The following THAP9 variants were observed in gnomAD, a reference collection of about 807,000 sequenced individuals.
THAP9 encodes THAP domain containing 9.
A neutral mutation model predicts 35.7 loss-of-function variants in THAP9; 20 were observed. The observed-to-expected ratio is 0.56, with a 90% CI of 0.39 to 0.81. THAP9 has a LOEUF of 0.81. Among genes scored for constraint, THAP9 ranks in the 40% least tolerant of loss-of-function variants. The pLI is 0.00. For missense variants in THAP9, 870 were observed against 1,047.4 expected (o/e 0.83, Z 2.34); for synonymous variants, 335 against 373.7 (o/e 0.90, Z 1.19).
chr4:82,919,922 TTAA>T lies in THAP9; in HGVS notation c.*1000_*1002del, dbSNP rs1277404256. The T allele has an allele frequency of 6.6e-6, 1 of 152,222 alleles. No individual in the cohort carries two copies. The highest frequency in any genetic ancestry group is 2.4e-5 in the African/African-American group (1 of 41,452). 9.4% of individuals were successfully genotyped at this position (152,222 alleles called of 1,614,324 possible). ...TATGAAAACTTAGAATTGTAAAAGATTAATGATAACGTAAAAGTATATTGATTA... is the reference window on the plus strand; with the variant it reads ...TATGAAAACTTAGAATTGTAAAAGATTGATAACGTAAAAGTATATTGATTA... On this transcript the variant is annotated 3_prime_UTR_variant, in exon 5 of 5. Coordinates refer to ENST00000302236, the MANE Select transcript of THAP9 (RefSeq NM_024672.6).
At chr4:82,911,739 G>A (rs11723060) in intron 4 of THAP9, among the ~76,000 whole-genome samples, 27,003 of 152,116 alleles carry the variant, frequency 0.18, 2,596 homozygotes, top group South Asian at 0.32. Context: ...TTATTGCATT[G>A]CTTCTGTTTT....
chr4:82,914,413 T>C (rs1274288077), intron 4 of THAP9, among the ~76,000 whole-genome samples: 1 of 152,190 alleles, frequency 6.6e-6, no homozygotes, highest in Non-Finnish European at 1.5e-5. Context: ...TCCACAACAA[T>C]TGAATTAATT....
At chr4:82,916,543 T>C (rs951701189) in intron 4 of THAP9, among the ~76,000 whole-genome samples, 1 of 152,210 alleles carries the variant, frequency 6.6e-6, no homozygotes, top group African/African-American at 2.4e-5. Context: ...AGTTTCCTAA[T>C]CTGTAAAATG....
chr4:82,910,831 T>C (rs1720839906), intron 4 of THAP9: 4 of 396,276 alleles, frequency 1.0e-5, no homozygotes, highest in African/African-American at 4.1e-5. Context: ...GGACAGAGAA[T>C]TGACCATTGG....
In THAP9 at chr4:82,918,907, G is replaced by A; in HGVS notation, c.2695G>A (p.Gly899Arg). The A allele has an allele frequency of 6.3e-7, 1 of 1,592,428 alleles. No homozygotes were observed. Among genetic ancestry groups the A allele is most frequent in the Non-Finnish European group, 8.6e-7 (1 of 1,169,484 alleles). Reference protein sequence around the residue: ...SKFRHLLSNDGYPFK With the variant: ...SKFRHLLSNDRYPFK ...ATTCAGGCATTTGCTAAGTAACGAT[G>A]GATATCCATTCAAATGAGAGACCTA... Residue 899 changes from glycine (G) to arginine (R), a missense_variant, in exon 5 of 5, where the codon GGA becomes AGA. Transcript: ENST00000302236.
At chr4:82,902,366 G>C (rs575086637) in intron 1 of THAP9, among the ~76,000 whole-genome samples, 1 of 151,362 alleles carries the variant, frequency 6.6e-6, no homozygotes, top group Non-Finnish European at 1.5e-5. Flanking sequence ...CCCAGCCCCA[G>C]CCTTTTTCAT....
chr4:82,910,881 CA>C, intron 4 of THAP9: 1 of 280,030 alleles, frequency 3.6e-6, no homozygotes, highest in Admixed American at 3.3e-5. Context: ...ATGACAAAAG[CA>C]GTTATAGTAG....
chr4:82,909,655 G>T (rs1202248624), intron 4 of THAP9, among the ~76,000 whole-genome samples: 12 of 151,900 alleles, frequency 7.9e-5, no homozygotes, highest in Admixed American at 7.9e-4. Flanking sequence ...ACATTTTGGG[G>T]TTATAATTGT....
chr4:82,913,467 A>T (rs1046563649), intron 4 of THAP9: 1 of 152,220 alleles, frequency 6.6e-6, no homozygotes, highest in African/African-American at 2.4e-5. Context: ...ATTTTTAAAC[A>T]ATTAAAATTG....
rs1364801844 is a variant in THAP9 at position 82,914,079 on chromosome 4, A to C, written c.732-2865A>C. Among the ~76,000 whole-genome samples the C allele has an allele frequency of 4.6e-5, 7 of 152,256 alleles. No homozygotes were observed. In the South Asian group the frequency reaches 1.5e-3, roughly 32 times the overall value. On this transcript the variant is annotated intron_variant, in intron 4 of 4. Coordinates refer to ENST00000302236, the MANE Select transcript of THAP9 (RefSeq NM_024672.6). ...CTCCCACTTATAATTGAGAACATGC[A>C]GTATTTGGTTTTCTGTTCCTGTTAG... is the stretch of plus-strand genomic sequence containing the variant.
At chr4:82,905,153 A>G (rs919843541) in intron 2 of THAP9, among the ~76,000 whole-genome samples, 2 of 152,176 alleles carry the variant, frequency 1.3e-5, no homozygotes, top group Admixed American at 6.5e-5. Flanking sequence ...TTGTCTAGAT[A>G]TATATAAAGG....
Position 82,918,358 on chromosome 4 carries a change from A to G in THAP9, c.2146A>G (p.Ile716Val), listed in dbSNP as rs1466816893. The change falls in exon 5 of 5, where the codon ATC becomes GTC. Residue 716 changes from isoleucine to valine, a missense_variant. This residue lies in a region of THAP9 where 414 missense variants were observed against 500.8 expected (regional missense o/e 0.83). Transcript: ENST00000302236. Reference protein sequence around the residue: ...LDLSDHRRNLICYAGYVANKL... With the variant: ...LDLSDHRRNLVCYAGYVANKL... ...CCTGTCAGATCATAGGCGAAATCTC[A>G]TCTGTTATGCTGGTTATGTTGCAAA... 3 of 1,607,064 alleles carry G rather than the reference A, an allele frequency of 1.9e-6. No individual in the cohort carries two copies. The highest frequency in any genetic ancestry group is 2.6e-6 in the Non-Finnish European group (3 of 1,173,762).
chr4:82,907,807 T>G lies in THAP9; in HGVS notation c.603T>G (p.Asn201Lys), dbSNP rs1720708949. 2 of 1,590,156 alleles carry G rather than the reference T, an allele frequency of 1.3e-6. No homozygotes were observed. Among genetic ancestry groups the G allele is most frequent in the Non-Finnish European group, 1.7e-6 (2 of 1,172,900 alleles). Residue 201 changes from asparagine (N) to lysine (K), a missense_variant, in exon 4 of 5, where the codon AAT becomes AAG. This residue lies in a region of THAP9 where 440 missense variants were observed against 501.2 expected (regional missense o/e 0.88). Coordinates refer to ENST00000302236, the MANE Select transcript of THAP9 (RefSeq NM_024672.6). Reference sequence around the variant, plus strand: ...CAGATTTTAAGTGGGAGTTATATAATTGGAGAGAAACAGATGAGTACTCCG... The same window carrying G: ...CAGATTTTAAGTGGGAGTTATATAAGTGGAGAGAAACAGATGAGTACTCCG... ...QFSDFKWELYNWRETDEYSAE... is the reference protein window; with the variant it reads ...QFSDFKWELYKWRETDEYSAE...
chr4:82,918,818 C>A lies in THAP9; in HGVS notation c.2606C>A (p.Ser869Ter). 2 of 1,613,712 alleles carry A rather than the reference C, an allele frequency of 1.2e-6. No homozygotes were observed. Among genetic ancestry groups the A allele is most frequent in the African/African-American group, 1.3e-5 (1 of 75,016 alleles). Residue 869 changes from serine (S) to a stop codon, truncating the protein, a stop_gained, in exon 5 of 5, where the codon TCA (serine) becomes TAA (stop). Transcript: ENST00000302236. LOFTEE classifies it high-confidence loss of function. ...HSERTDMKTL[S>*]RKHWSSVQDY... is the part of the protein sequence containing the mutation. ...GAGAGAACTGATATGAAAACTTTATCAAGGAAACACTGGTCATCTGTACAG... is the reference window on the plus strand; with the variant it reads ...GAGAGAACTGATATGAAAACTTTATAAAGGAAACACTGGTCATCTGTACAG...
At chr4:82,912,866 T>C (rs1226023686) in intron 4 of THAP9, among the ~76,000 whole-genome samples, 1 of 152,224 alleles carries the variant, frequency 6.6e-6, no homozygotes, top group Non-Finnish European at 1.5e-5. Context: ...TACTGTGATA[T>C]ATACTGTGTA....
At position 82,917,267 on chromosome 4, in the gene THAP9, A is replaced by G. The variant is rs180770321; in HGVS notation, c.1055A>G (p.Gln352Arg). Residue 352 changes from glutamine (Q) to arginine (R), a missense_variant, in exon 5 of 5, where the codon CAG (glutamine) becomes CGG (arginine). Gln to Arg is a conservative substitution (Grantham distance 43). Around this residue, in one of 3 missense-constraint regions of THAP9, gnomAD observed 440 missense variants for 501.2 expected, o/e 0.88. Coordinates refer to ENST00000302236, the MANE Select transcript of THAP9 (RefSeq NM_024672.6). ...VNRASGYLQA[Q>R]LLRLTIGKLS... ...AGAGCATCTGGATATTTGCAGGCTCAGCTGCTTCGTCTGACTATTGGTAAA... is the reference window on the plus strand; with the variant it reads ...AGAGCATCTGGATATTTGCAGGCTCGGCTGCTTCGTCTGACTATTGGTAAA... 6.2e-7 allele frequency: 1 copy of G among 1,614,174 alleles called. No individual in the cohort carries two copies.
In THAP9 at chr4:82,906,585, C is replaced by T; in HGVS notation, c.538C>T (p.Leu180Phe). The change falls in exon 3 of 5, where the codon CTT (leucine) becomes TTT (phenylalanine). Residue 180 changes from leucine to phenylalanine, a missense_variant. By Grantham distance (22) the Leu-to-Phe change is conservative. Around this residue, in one of 3 missense-constraint regions of THAP9, gnomAD observed 440 missense variants for 501.2 expected, o/e 0.88. Coordinates refer to ENST00000302236, the MANE Select transcript of THAP9 (RefSeq NM_024672.6). The part of the protein sequence containing the change: ...LIDALVEEKL[L>F]SEETECLLRA... ...TGATGCACTTGTAGAAGAGAAACTA[C>T]TTTCTGAAGAAACAGAGTGTCTGCT... is the stretch of plus-strand genomic sequence containing the variant. 1.9e-6 allele frequency: 3 copies of T among 1,610,084 alleles called. No individual in the cohort carries two copies. Among genetic ancestry groups the T allele is most frequent in the Non-Finnish European group, 2.5e-6 (3 of 1,177,956 alleles).
rs529250355 is a variant in THAP9 at position 82,916,833 on chromosome 4, C to T, written c.732-111C>T. 164 of 871,322 alleles carry T rather than the reference C, an allele frequency of 1.9e-4. 2 individuals are homozygous for T. In the Admixed American group the frequency reaches 4.6e-3, roughly 25 times the overall value. 54.0% of individuals were successfully genotyped at this position (871,322 alleles called of 1,614,324 possible). ...TCTATAGAATTTGGCTGCTTATATA[C>T]TTGGCTTTATTTCTACAGGGATGGG... is the stretch of plus-strand genomic sequence containing the variant. On this transcript the variant is annotated intron_variant, in intron 4 of 4. Coordinates refer to ENST00000302236, the MANE Select transcript of THAP9 (RefSeq NM_024672.6).
rs1029798114 is a variant in THAP9, at chr4:82,918,735, C to G, written c.2523C>G (p.Ile841Met). ...TCAAGTTGCTAAAGGATATAATAAT[C>G]TGTTTCTTAAATATCAGAGCTAAAA... is the stretch of plus-strand genomic sequence containing the variant. The part of the protein sequence containing the change: ...HFVKLLKDII[I>M]CFLNIRAKNV... Residue 841 changes from isoleucine (I) to methionine (M), a missense_variant, in exon 5 of 5, where the codon ATC becomes ATG. By Grantham distance (10) the Ile-to-Met change is conservative. Coordinates refer to ENST00000302236, the MANE Select transcript of THAP9 (RefSeq NM_024672.6). 3 of 1,613,762 alleles carry G rather than the reference C, an allele frequency of 1.9e-6. No homozygotes were observed. The highest frequency in any genetic ancestry group is 2.2e-5 in the East Asian group (1 of 44,870).
Sources: gnomAD v4.1 joint callset for allele counts (sites outside exome capture counted in the v4.1 genomes callset) on GRCh38, gnomAD v4.1.1 for gene constraint, gnomAD v4.1.1 regional missense constraint, MANE v1.5 for transcripts, NCBI Gene and HGNC (gene_info 2026-07-23, HGNC 2026-07-21) for gene names.